The following WDR49 variants were observed in gnomAD, a reference collection of about 807,000 sequenced individuals.
WDR49 encodes the protein cilia- and flagella-associated protein 337.
WDR49 carries 107 observed loss-of-function variants against 119.5 expected under a neutral mutation model. The observed-to-expected ratio is 0.90, with a 90% confidence interval of 0.77 to 1.05. The LOEUF (loss-of-function observed/expected upper bound fraction) is 1.05. Ranked by LOEUF, WDR49 falls within the 50% of genes least tolerant of loss-of-function variation. The pLI is 0.00. For missense variants in WDR49, 1,240 were observed against 1,220.5 expected (o/e 1.02, Z -0.24); for synonymous variants, 425 against 418.8 (o/e 1.01, Z -0.18).
chr3:167,559,761 A>C (rs893638329), intron 9 of WDR49, among the ~76,000 whole-genome samples: 9 of 152,240 alleles, frequency 5.9e-5, no homozygotes, highest in African/African-American at 2.2e-4. Context: ...TTATCGAGGC[A>C]TCGTATTCCC....
At chr3:167,634,091 C>A (rs1717504164) in intron 2 of WDR49, among the ~76,000 whole-genome samples, 2 of 151,820 alleles carry the variant, frequency 1.3e-5, no homozygotes, top group Non-Finnish European at 2.9e-5. Flanking sequence ...TTCCAGTAAA[C>A]AATGTGTTCC....
intron 2 of WDR49, among the ~76,000 whole-genome samples, chr3:167,637,962 C>A (rs1456189640): frequency 1.3e-5 from 2 of 151,358 alleles, no homozygotes; most frequent in African/African-American, 2.4e-5. Flanking sequence ...TCCTCTTTAC[C>A]AATTACTTTG....
chr3:167,609,584 C>T (rs1337326333), intron 5 of WDR49, among the ~76,000 whole-genome samples: 2 of 152,102 alleles, frequency 1.3e-5, no homozygotes, highest in Non-Finnish European at 2.9e-5. Context: ...TGTTTGTCTC[C>T]AAATAAACTT....
intron 15 of WDR49, among the ~76,000 whole-genome samples, chr3:167,525,870 A>AT (rs1553862835): frequency 2.1e-4 from 31 of 148,066 alleles, no homozygotes; most frequent in African/African-American, 7.5e-4. Flanking sequence ...ACAAAAAAAA[A>AT]CTTCCCTTTT....
At chr3:167,649,989 C>T (rs1718294155) in intron 2 of WDR49, among the ~76,000 whole-genome samples, 2 of 152,176 alleles carry the variant, frequency 1.3e-5, no homozygotes, top group South Asian at 4.1e-4. Context: ...AAACTATGGT[C>T]TCAGACCAAA....
chr3:167,592,737 G>A (rs527948042), intron 7 of WDR49, among the ~76,000 whole-genome samples: 1 of 152,022 alleles, frequency 6.6e-6, no homozygotes, highest in Non-Finnish European at 1.5e-5. Flanking sequence ...CTAGCCAGAT[G>A]ATTTCTTATT....
rs1037707000 is a variant in WDR49 at position 167,621,492 on chromosome 3, A to G, written c.758T>C (p.Leu253Pro). The stretch of plus-strand genomic sequence containing the variant: ...CTTTCCAGTTATATCCCCAAAAGAA[A>G]GAATTGATTCATTGGCATCAAGAGG... ...YDPLDANESI[L>P]SFGDITGKVQ... Residue 253 changes from leucine (L) to proline (P), a missense_variant, in exon 4 of 19, where the codon CTT becomes CCT. By Grantham distance (98) the Leu-to-Pro change is moderately conservative (BLOSUM62 -3). Transcript: ENST00000682715. The G allele has an allele frequency of 3.3e-6, 5 of 1,533,740 alleles. No homozygotes were observed. In the Admixed American group the frequency reaches 7.9e-5, roughly 24 times the overall value.
intron 11 of WDR49, among the ~76,000 whole-genome samples, chr3:167,533,357 A>G (rs577704919): frequency 1.2e-3 from 182 of 152,174 alleles, no homozygotes; most frequent in Non-Finnish European, 1.8e-3. Flanking sequence ...TCTATAAAAA[A>G]GAGTTAATAA....
intron 18 of WDR49, among the ~76,000 whole-genome samples, chr3:167,496,925 A>C (rs1456414635): frequency 1.2e-4 from 13 of 112,648 alleles, no homozygotes; most frequent in African/African-American, 3.9e-4. Context: ...ACGAGAGGTA[A>C]ATGTAAAACT....
chr3:167,489,371 C>A (rs1751040850), intron 18 of WDR49, among the ~76,000 whole-genome samples: 1 of 152,096 alleles, frequency 6.6e-6, no homozygotes, highest in South Asian at 2.1e-4. Flanking sequence ...AAGGGTGATT[C>A]TCCATGTCAC....
At chr3:167,596,725 T>G (rs1244207991) in intron 7 of WDR49, among the ~76,000 whole-genome samples, 8 of 59,900 alleles carry the variant, frequency 1.3e-4, no homozygotes, top group African/African-American at 2.6e-4. Flanking sequence ...TGTTGTGGGG[T>G]GGGGGGAGGG....
chr3:167,566,255 T>C (rs373447708), intron 8 of WDR49, among the ~76,000 whole-genome samples: 5 of 152,186 alleles, frequency 3.3e-5, no homozygotes, highest in East Asian at 1.9e-4. Flanking sequence ...CCTATAGATA[T>C]TTTCTCATCA....
chr3:167,575,773 G>C, intron 8 of WDR49, 145 bp downstream of exon 8: 1 of 788,888 alleles, frequency 1.3e-6, no homozygotes. Flanking sequence ...TATTATTGCA[G>C]AAAAGCACAT....
chr3:167,591,996 T>C (rs530900998), intron 7 of WDR49, among the ~76,000 whole-genome samples: 1 of 152,298 alleles, frequency 6.6e-6, no homozygotes, highest in South Asian at 2.1e-4. Flanking sequence ...CTGTCTTCCT[T>C]ATAGTAAAGG....
chr3:167,491,965 C>T (rs1428526563), intron 18 of WDR49, among the ~76,000 whole-genome samples: 6 of 152,072 alleles, frequency 3.9e-5, no homozygotes, highest in African/African-American at 1.4e-4. Context: ...TCCCAAGTTC[C>T]AAAGTGAGAG....
At chr3:167,612,520 T>G (rs976696697) in intron 5 of WDR49, among the ~76,000 whole-genome samples, 3 of 151,600 alleles carry the variant, frequency 2.0e-5, no homozygotes, top group African/African-American at 7.3e-5. Context: ...TACAGAAGAT[T>G]AATGAAACAA....
chr3:167,516,620 T>C (rs1752217089), intron 16 of WDR49, among the ~76,000 whole-genome samples: 1 of 152,072 alleles, frequency 6.6e-6, no homozygotes, highest in Non-Finnish European at 1.5e-5. Context: ...TACCCAGTAA[T>C]GGGATGGCTG....
intron 7 of WDR49, among the ~76,000 whole-genome samples, chr3:167,583,031 C>T (rs1714630651): frequency 6.6e-6 from 1 of 151,650 alleles, no homozygotes; most frequent in South Asian, 2.1e-4. Flanking sequence ...AACAAATTTG[C>T]AATAAATTTA....
intron 5 of WDR49, among the ~76,000 whole-genome samples, chr3:167,607,419 T>C (rs1424584410): frequency 1.3e-5 from 2 of 152,220 alleles, no homozygotes; most frequent in African/African-American, 4.8e-5. Flanking sequence ...CTTTGACCTA[T>C]GACTACTTTA....
Sources: gnomAD v4.1 joint callset for allele counts (sites outside exome capture counted in the v4.1 genomes callset) on GRCh38, gnomAD v4.1.1 for gene constraint, MANE v1.5 for transcripts, NCBI Gene and HGNC (gene_info 2026-07-23, HGNC 2026-07-21) for gene names.